Variants in ARB2A observed in about 807,000 individuals in gnomAD.
ARB2A encodes the protein ARB2 cotranscriptional regulator A, also known as cotranscriptional regulator ARB2A.
the ARB2A span, among the ~76,000 whole-genome samples, chr5:93,834,716 A>G: frequency 1.3e-5 from 2 of 152,170 alleles, no homozygotes; most frequent in Non-Finnish European, 2.9e-5. Context: ...TAAAATCCCA[A>G]TTTTATAAAT....
At chr5:94,051,763 A>G in the ARB2A span, among the ~76,000 whole-genome samples, 1 of 152,238 alleles carries the variant, frequency 6.6e-6, no homozygotes, top group East Asian at 1.9e-4. Context: ...CATCCTGCTC[A>G]AAGTATTCTA....
the ARB2A span, among the ~76,000 whole-genome samples, chr5:94,110,652 A>C: frequency 2.0e-5 from 3 of 152,244 alleles, no homozygotes; most frequent in African/African-American, 7.2e-5. Flanking sequence ...GCATTGTAGG[A>C]TAAAGAATAC....
At chr5:93,662,743 T>C in the ARB2A span, among the ~76,000 whole-genome samples, 22 of 152,212 alleles carry the variant, frequency 1.4e-4, no homozygotes, top group African/African-American at 5.1e-4. Context: ...GGGTAGATGG[T>C]AGATGGCGTT....
chr5:94,077,372 C>CA, the ARB2A span, among the ~76,000 whole-genome samples: 3,599 of 108,548 alleles, frequency 0.033, 50 homozygotes, highest in Non-Finnish European at 0.049. Context: ...GACTCTGTCT[C>CA]AAAAAAAAAA....
chr5:93,922,666 G>A, the ARB2A span, among the ~76,000 whole-genome samples: 1 of 94,222 alleles, frequency 1.1e-5, no homozygotes. Context: ...GAGGGAGGAA[G>A]GGAGGGAGGG....
At chr5:93,801,526 G>A in the ARB2A span, among the ~76,000 whole-genome samples, 1 of 152,066 alleles carries the variant, frequency 6.6e-6, no homozygotes, top group Non-Finnish European at 1.5e-5. Context: ...AATGTTAGCT[G>A]AACTAAATTA....
At chr5:93,910,888 T>G in the ARB2A span, 4 of 151,610 alleles carry the variant, frequency 2.6e-5, no homozygotes, top group African/African-American at 9.7e-5. Flanking sequence ...CAGAATCATA[T>G]GTATTCAGCT....
the ARB2A span, among the ~76,000 whole-genome samples, chr5:93,723,617 AT>A: frequency 6.6e-6 from 1 of 152,106 alleles, no homozygotes; most frequent in Non-Finnish European, 1.5e-5. Flanking sequence ...AATTTGTTTT[AT>A]TTTTTAATAT....
At chr5:93,738,280 A>C in the ARB2A span, 2 of 152,722 alleles carry the variant, frequency 1.3e-5, no homozygotes, top group East Asian at 3.8e-4. Context: ...GATGGCTATA[A>C]TTTTTTAAAA....
At chr5:93,702,914 G>A in the ARB2A span, among the ~76,000 whole-genome samples, 9 of 151,840 alleles carry the variant, frequency 5.9e-5, no homozygotes, top group South Asian at 4.2e-4. Flanking sequence ...CTTCCACCAC[G>A]TTAAAACTGT....
the ARB2A span, chr5:93,619,012 A>C: frequency 6.6e-6 from 1 of 152,200 alleles, no homozygotes; most frequent in Admixed American, 6.5e-5. Flanking sequence ...ACATTTTCTT[A>C]TACTGAAAAC....
the ARB2A span, among the ~76,000 whole-genome samples, chr5:93,770,416 T>G: frequency 1.2e-3 from 186 of 152,256 alleles, no homozygotes; most frequent in Non-Finnish European, 1.7e-3. Flanking sequence ...ATGCCCCCTC[T>G]CACCACTCCT....
chr5:93,763,333 A>T, the ARB2A span, among the ~76,000 whole-genome samples: 1 of 152,178 alleles, frequency 6.6e-6, no homozygotes, highest in Admixed American at 6.5e-5. Flanking sequence ...ATAGGTTCAA[A>T]ATAAAGGGAT....
chr5:93,919,962 G>GTACATT, the ARB2A span, among the ~76,000 whole-genome samples: 1 of 151,974 alleles, frequency 6.6e-6, no homozygotes, highest in Non-Finnish European at 1.5e-5. Context: ...TCCATAAAGT[G>GTACATT]TACATTTGCT....
chr5:93,807,245 C>T, the ARB2A span, among the ~76,000 whole-genome samples: 1 of 151,828 alleles, frequency 6.6e-6, no homozygotes, highest in East Asian at 1.9e-4. Context: ...TAAGGACCAG[C>T]CAATAAAGAG....
At chr5:93,941,348 GA>G in the ARB2A span, among the ~76,000 whole-genome samples, 4 of 147,228 alleles carry the variant, frequency 2.7e-5, no homozygotes, top group South Asian at 2.1e-4. Flanking sequence ...ATAAAAGGAA[GA>G]AAAAAAAAAT....
chr5:93,649,273 AC>A, the ARB2A span, among the ~76,000 whole-genome samples: 1 of 152,212 alleles, frequency 6.6e-6, no homozygotes, highest in African/African-American at 2.4e-5. Context: ...CACATTGGTC[AC>A]AATGATAAAC....
the ARB2A span, among the ~76,000 whole-genome samples, chr5:93,642,266 T>G: frequency 6.6e-6 from 1 of 151,488 alleles, no homozygotes; most frequent in African/African-American, 2.4e-5. Context: ...AGTGACACTA[T>G]CATGGCTTAC....
the ARB2A span, among the ~76,000 whole-genome samples, chr5:93,633,425 G>T: frequency 2.0e-5 from 3 of 152,108 alleles, no homozygotes; most frequent in Non-Finnish European, 4.4e-5. Context: ...TATAAAATTA[G>T]GTAGAAATTC....
Sources: gnomAD v4.1 joint callset for allele counts (sites outside exome capture counted in the v4.1 genomes callset) on GRCh38, gnomAD v4.1.1 for gene constraint, MANE v1.5 for transcripts, NCBI Gene and HGNC (gene_info 2026-07-23, HGNC 2026-07-21) for gene names.